Variants in KAT6A observed in about 807,000 individuals in gnomAD.
KAT6A encodes lysine acetyltransferase 6A.
In KAT6A, 9 loss-of-function variants were observed where a neutral mutation model predicts 198.4. That is an observed-to-expected ratio of 0.05 (90% CI 0.03 to 0.08). KAT6A has a LOEUF of 0.08. KAT6A is among the 10% of genes least tolerant of loss of function. KAT6A has a pLI of 1.00. For synonymous variants in KAT6A, 890 were observed against 883.0 expected, an observed-to-expected ratio of 1.01 and a Z score of -0.14; for missense variants, 2,077 against 2,509.9, an observed-to-expected ratio of 0.83 and a Z score of 3.69.
chr8:41,999,574 T>C (rs555684689), intron 2 of KAT6A, among the ~76,000 whole-genome samples: 7 of 152,214 alleles, frequency 4.6e-5, no homozygotes, highest in Non-Finnish European at 1.0e-4. Flanking sequence ...GCTCAAAACT[T>C]ATAAAATATA....
chr8:42,024,957 A>G (rs1309063304), intron 2 of KAT6A, among the ~76,000 whole-genome samples: 1 of 152,174 alleles, frequency 6.6e-6, no homozygotes, highest in Non-Finnish European at 1.5e-5. Flanking sequence ...CTTTAGATAA[A>G]CACCTAATAG....
intron 2 of KAT6A, among the ~76,000 whole-genome samples, chr8:42,047,649 C>T (rs1802381319): frequency 6.6e-6 from 1 of 152,128 alleles, no homozygotes; most frequent in Non-Finnish European, 1.5e-5. Flanking sequence ...AGGCTCAAGA[C>T]ATCCTCCTGT....
In KAT6A at chr8:41,929,871, A is replaced by C. The variant is rs2150852114; in HGVS notation, c.*2334T>G. 4.8e-6 allele frequency: 1 copy of C among 206,362 alleles called. No individual in the cohort carries two copies. The allele number at this position is 206,362 out of a possible 1,614,324, so 12.8% of individuals were successfully genotyped here. ...AAAGATAAAAAATTTTAAAGATGGA[A>C]TGAAATGAAAAAGCTCTTATTTTAA... On this transcript the variant is annotated 3_prime_UTR_variant, in exon 17 of 17. Transcript: ENST00000265713.
chr8:42,034,409 G>A (rs1409988794), intron 2 of KAT6A, among the ~76,000 whole-genome samples: 5 of 152,184 alleles, frequency 3.3e-5, no homozygotes, highest in Non-Finnish European at 5.9e-5. Context: ...GGAACACAGA[G>A]GGCATTATGA....
chr8:42,008,139 C>T (rs1825840788), intron 2 of KAT6A, among the ~76,000 whole-genome samples: 1 of 151,702 alleles, frequency 6.6e-6, no homozygotes, highest in Non-Finnish European at 1.5e-5. Context: ...ACTACTTAAC[C>T]CCCCAAAAAA....
intron 7 of KAT6A, among the ~76,000 whole-genome samples, chr8:41,975,145 A>G (rs1823986166): frequency 6.6e-6 from 1 of 152,198 alleles, no homozygotes; most frequent in East Asian, 1.9e-4. Context: ...GAAATAGTAT[A>G]AATTTGACAC....
At chr8:42,006,048 C>A (rs1463779661) in intron 2 of KAT6A, among the ~76,000 whole-genome samples, 1 of 152,118 alleles carries the variant, frequency 6.6e-6, no homozygotes, top group African/African-American at 2.4e-5. Flanking sequence ...CAGAAATAAA[C>A]AAAGTTTCTG....
intron 2 of KAT6A, among the ~76,000 whole-genome samples, chr8:42,036,692 TA>T (rs1827395622): frequency 6.6e-6 from 1 of 151,892 alleles, no homozygotes; most frequent in Non-Finnish European, 1.5e-5. Context: ...GAATGTGCCA[TA>T]AGGCCAAGCA....
Position 42,040,888 on chromosome 8 carries a change from TTGTGCTCA to T in KAT6A, c.600+7482_600+7489del, listed in dbSNP as rs568399919. On this transcript the variant is annotated intron_variant, in intron 2 of 16. Coordinates refer to ENST00000265713, the MANE Select transcript of KAT6A (RefSeq NM_006766.5). ...ATGCACTGAAAATTACCAAAAATCA[TTGTGCTCA>T]TAGGTGAACCAGAAGATCAAAAAAA... Among the ~76,000 whole-genome samples the T allele has an allele frequency of 2.0e-4, 31 of 151,880 alleles. No individual in the cohort carries two copies. In the East Asian group the frequency reaches 5.8e-3, roughly 29 times the overall value.
intron 1 of KAT6A, among the ~76,000 whole-genome samples, chr8:42,050,380 G>T (rs1802547063): frequency 6.6e-6 from 1 of 152,160 alleles, no homozygotes; most frequent in Admixed American, 6.5e-5. Context: ...AAGTTTAACT[G>T]AAGTGTTTTT....
chr8:42,027,993 A>G (rs1826920109), intron 2 of KAT6A, among the ~76,000 whole-genome samples: 1 of 151,970 alleles, frequency 6.6e-6, no homozygotes, highest in Admixed American at 6.6e-5. Flanking sequence ...CATTCTTAGT[A>G]TCTTCATTGA....
Position 41,937,406 on chromosome 8 carries a change from C to G in KAT6A, c.3202G>C (p.Asp1068His). ...MPRLEPTFEI[D>H]EEEEEEDENE... ...TCATCCTCTTCCTCCTCTTCTTCATCGATCTCAAACGTGGGTTCTAATCTT... is the reference window on the plus strand; with the variant it reads ...TCATCCTCTTCCTCCTCTTCTTCATGGATCTCAAACGTGGGTTCTAATCTT... The change falls in exon 16 of 17, where the codon GAT becomes CAT. Residue 1068 changes from aspartate (D) to histidine (H), a missense_variant. Physicochemically the swap from Asp to His is moderately conservative, Grantham distance 81 (BLOSUM62 -1). Coordinates refer to ENST00000265713, the MANE Select transcript of KAT6A (RefSeq NM_006766.5). The G allele has an allele frequency of 6.2e-7, 1 of 1,614,118 alleles. No individual in the cohort carries two copies. Among genetic ancestry groups the G allele is most frequent in the Non-Finnish European group, 8.5e-7 (1 of 1,180,018 alleles).
intron 15 of KAT6A, among the ~76,000 whole-genome samples, chr8:41,938,954 GA>G (rs894664976): frequency 0.15 from 11,448 of 75,806 alleles, 518 homozygotes; most frequent in East Asian, 0.26. Context: ...TCTGGGGAAG[GA>G]AAAAAAAAAA....
At chr8:42,038,963 T>C (rs16891026) in intron 2 of KAT6A, among the ~76,000 whole-genome samples, 2,259 of 152,306 alleles carry the variant, frequency 0.015, 51 homozygotes, top group African/African-American at 0.051. Context: ...TCTTCACCTG[T>C]TCCCTAATGA....
intron 2 of KAT6A, among the ~76,000 whole-genome samples, chr8:41,996,419 A>G (rs1825206175): frequency 1.3e-5 from 2 of 152,244 alleles, no homozygotes; most frequent in South Asian, 4.1e-4. Context: ...ACTCCCTATA[A>G]CACTCAAACA....
chr8:41,965,547 A>T (rs1458250198), intron 8 of KAT6A, among the ~76,000 whole-genome samples: 2 of 152,180 alleles, frequency 1.3e-5, no homozygotes, highest in East Asian at 3.8e-4. Context: ...ACTGGCTTCA[A>T]ACCACTTTTT....
At chr8:42,020,394 T>C (rs1357787081) in intron 2 of KAT6A, among the ~76,000 whole-genome samples, 1 of 152,240 alleles carries the variant, frequency 6.6e-6, no homozygotes, top group Admixed American at 6.5e-5. Flanking sequence ...TCAGATAAAC[T>C]AGGTTCACTG....
At chr8:42,034,084 G>A (rs529720753) in intron 2 of KAT6A, among the ~76,000 whole-genome samples, 21 of 152,202 alleles carry the variant, frequency 1.4e-4, no homozygotes, top group African/African-American at 5.1e-4. Context: ...AGTCTGCAAG[G>A]TTGAAGAGCT....
At chr8:41,938,351 ATTTG>A (rs923780093) in intron 15 of KAT6A, among the ~76,000 whole-genome samples, 1 of 152,128 alleles carries the variant, frequency 6.6e-6, no homozygotes, top group African/African-American at 2.4e-5. Context: ...TTTTAACATG[ATTTG>A]TTTTACTTCA....
Sources: allele counts gnomAD v4.1 joint callset (sites outside exome capture counted in the v4.1 genomes callset), GRCh38; gene constraint gnomAD v4.1.1; transcripts MANE v1.5; gene names NCBI Gene and HGNC (gene_info 2026-07-23, HGNC 2026-07-21).